MKLN1: variants seen among roughly 807,000 people sequenced by gnomAD.
MKLN1 encodes muskelin 1.
A neutral mutation model predicts 99.0 loss-of-function variants in MKLN1; 18 were observed. The ratio of observed to expected loss-of-function variants is 0.18; its 90% CI spans 0.13 to 0.27. The LOEUF (loss-of-function observed/expected upper bound fraction) is 0.27. MKLN1 is among the 10% of genes least tolerant of loss of function. MKLN1 has a pLI of 1.00. For synonymous variants in MKLN1, 288 were observed against 293.2 expected, an observed-to-expected ratio of 0.98 and a Z score of 0.18; for missense variants, 621 against 875.9, an observed-to-expected ratio of 0.71 and a Z score of 3.67.
chr7:131,206,570 T>TATTATTATTATTATTATTA (rs1584833497), intron 3 of MKLN1, among the ~76,000 whole-genome samples: 1 of 149,998 alleles, frequency 6.7e-6, no homozygotes, highest in Admixed American at 6.7e-5. Flanking sequence ...TTATTATTAT[T>TATTATTATTATTATTATTA]TTAGAGATAG....
chr7:131,275,568 T>TATA (rs1491144880), intron 3 of MKLN1, among the ~76,000 whole-genome samples: 24 of 14,800 alleles, frequency 1.6e-3, no homozygotes, highest in African/African-American at 3.6e-3. Flanking sequence ...TATATATATA[T>TATA]TTTTTTTTTT....
At chr7:131,191,774 T>G (rs1563246861) in intron 2 of MKLN1, among the ~76,000 whole-genome samples, 2 of 148,834 alleles carry the variant, frequency 1.3e-5, no homozygotes, top group Non-Finnish European at 3.0e-5. Flanking sequence ...AGTGCAGTGG[T>G]GCAATCTCGG....
At chr7:131,383,476 T>C (rs1026196880) in intron 2 of MKLN1, among the ~76,000 whole-genome samples, 17 of 152,098 alleles carry the variant, frequency 1.1e-4, no homozygotes, top group African/African-American at 3.4e-4. Flanking sequence ...TTAATACAAC[T>C]ACATGAATGA....
chr7:131,340,398 C>G (rs1034514094), intron 1 of MKLN1, among the ~76,000 whole-genome samples: 7 of 151,032 alleles, frequency 4.6e-5, no homozygotes, highest in Admixed American at 1.3e-4. Context: ...CTGCCTCAGC[C>G]CCCCCAAGTA....
intron 1 of MKLN1, among the ~76,000 whole-genome samples, chr7:131,349,385 C>T (rs747204504): frequency 5.3e-5 from 8 of 151,996 alleles, no homozygotes; most frequent in South Asian, 2.1e-4. Flanking sequence ...TTAGTAGAGA[C>T]GGGGTTTCAC....
intron 3 of MKLN1, among the ~76,000 whole-genome samples, chr7:131,214,153 G>T (rs1796944960): frequency 6.6e-6 from 1 of 152,122 alleles, no homozygotes; most frequent in South Asian, 2.1e-4. Flanking sequence ...CTCCCAAAGT[G>T]CTAGGATTAC....
chr7:131,349,276 A>G (rs12533672), intron 1 of MKLN1, among the ~76,000 whole-genome samples: 9,677 of 151,746 alleles, frequency 0.064, 365 homozygotes, highest in Non-Finnish European at 0.075. Context: ...GCTCACTGCA[A>G]CCTCTACCTC....
At chr7:131,322,408 A>T (rs1798796552) in intron 3 of MKLN1, among the ~76,000 whole-genome samples, 1 of 152,220 alleles carries the variant, frequency 6.6e-6, no homozygotes, top group Admixed American at 6.5e-5. Flanking sequence ...CGGATAATTT[A>T]TAAATAAAAT....
chr7:131,403,372 G>A (rs1159093319), intron 6 of MKLN1, among the ~76,000 whole-genome samples: 1 of 152,176 alleles, frequency 6.6e-6, no homozygotes, highest in Non-Finnish European at 1.5e-5. Flanking sequence ...TTTGGCTTAA[G>A]GGAGTGTTAT....
intron 3 of MKLN1, among the ~76,000 whole-genome samples, chr7:131,249,881 C>G (rs1395313714): frequency 1.3e-5 from 2 of 152,104 alleles, no homozygotes; most frequent in Non-Finnish European, 2.9e-5. Context: ...GCCCGTCATG[C>G]TGGCAGGTCA....
chr7:131,334,125 TG>T (rs1799182296), intron 1 of MKLN1, among the ~76,000 whole-genome samples: 2 of 152,196 alleles, frequency 1.3e-5, no homozygotes, highest in South Asian at 4.1e-4. Context: ...CACATATAGT[TG>T]AAAAATAGAA....
chr7:131,380,951 A>T (rs978178607), intron 2 of MKLN1, among the ~76,000 whole-genome samples: 5 of 152,198 alleles, frequency 3.3e-5, no homozygotes, highest in African/African-American at 1.2e-4. Flanking sequence ...TGCTCCTAGA[A>T]AAATACAGGG....
At chr7:131,473,621 TA>T (rs1796888597) in intron 16 of MKLN1, among the ~76,000 whole-genome samples, 1 of 152,200 alleles carries the variant, frequency 6.6e-6, no homozygotes, top group Non-Finnish European at 1.5e-5. Flanking sequence ...GGAATGAGAA[TA>T]AGTTTTCAGC....
At position 131,117,416 on chromosome 7, in the gene MKLN1, C is replaced by T. The variant is rs546951856; in HGVS notation, c.-419+7209C>T. Among the ~76,000 whole-genome samples the T allele has an allele frequency of 1.2e-4, 18 of 149,134 alleles. No individual in the cohort carries two copies. In the South Asian group the frequency reaches 3.5e-3, roughly 29 times the overall value. ...CTGCACTCCAGCCTGGGCGACAGAC[C>T]GAGACTCCATCTCAGGAAAAACAAC... On this transcript the variant is annotated intron_variant, in intron 1 of 7. Coordinates refer to the MKLN1 transcript ENST00000416992.
chr7:131,167,430 G>A (rs751874272), intron 2 of MKLN1, among the ~76,000 whole-genome samples: 10 of 152,134 alleles, frequency 6.6e-5, no homozygotes, highest in Non-Finnish European at 1.0e-4. Flanking sequence ...CCAGCACTTT[G>A]GGAGGCTGAG....
intron 3 of MKLN1, among the ~76,000 whole-genome samples, chr7:131,208,640 G>A (rs11773295): frequency 6.6e-6 from 1 of 152,038 alleles, no homozygotes; most frequent in Non-Finnish European, 1.5e-5. Context: ...ATATGTTACA[G>A]ATATTACTTT....
intron 3 of MKLN1, among the ~76,000 whole-genome samples, chr7:131,258,932 C>T (rs1797694916): frequency 6.6e-6 from 1 of 151,932 alleles, no homozygotes; most frequent in African/African-American, 2.4e-5. Context: ...TTTTTAGCTC[C>T]CAGAAATGCA....
chr7:131,296,207 A>G (rs1798289302), intron 3 of MKLN1, among the ~76,000 whole-genome samples: 1 of 152,218 alleles, frequency 6.6e-6, no homozygotes, highest in African/African-American at 2.4e-5. Flanking sequence ...AAGGATATTG[A>G]TGGAAATGTT....
chr7:131,243,352 A>G (rs930452417), intron 3 of MKLN1, among the ~76,000 whole-genome samples: 2 of 152,182 alleles, frequency 1.3e-5, no homozygotes, highest in Admixed American at 6.5e-5. Flanking sequence ...CGCAGTCCGT[A>G]TAGAACAATG....
Sources: allele counts gnomAD v4.1 joint callset (sites outside exome capture counted in the v4.1 genomes callset), GRCh38; gene constraint gnomAD v4.1.1; transcripts MANE v1.5; gene names NCBI Gene and HGNC (gene_info 2026-07-23, HGNC 2026-07-21).